CRADD: variants seen among roughly 807,000 people sequenced by gnomAD.
The protein encoded by CRADD is death domain-containing protein CRADD.
A neutral mutation model predicts 15.5 loss-of-function variants in CRADD; 9 were observed. That is an observed-to-expected ratio of 0.58 (90% CI 0.35 to 1.01). The LOEUF (loss-of-function observed/expected upper bound fraction) is 1.01. Ranked by LOEUF, CRADD falls within the 50% of genes least tolerant of loss-of-function variation. The probability of loss-of-function intolerance (pLI) is 0.02; values close to 1 mark genes in which losing one functional copy is unlikely to be tolerated. For missense variants in CRADD, 227 were observed against 250.3 expected (o/e 0.91, Z 0.63); for synonymous variants, 118 against 107.6 (o/e 1.10, Z -0.60).
At chr12:93,806,563 T>G (rs182337282) in intron 2 of CRADD, among the ~76,000 whole-genome samples, 3 of 152,164 alleles carry the variant, frequency 2.0e-5, no homozygotes, top group Middle Eastern at 3.4e-3. Context: ...CCTACCCACT[T>G]AAGCTTCTCA....
chr12:93,746,607 C>G (rs1457425298), intron 2 of CRADD, among the ~76,000 whole-genome samples: 1 of 152,154 alleles, frequency 6.6e-6, no homozygotes, highest in East Asian at 1.9e-4. Context: ...TCCAAAAGTT[C>G]CTTTTTAAGT....
chr12:93,682,298 A>G (rs1955328714), intron 2 of CRADD, among the ~76,000 whole-genome samples: 1 of 152,238 alleles, frequency 6.6e-6, no homozygotes, highest in Non-Finnish European at 1.5e-5. Context: ...GATCTAGACT[A>G]TAGGAGAATG....
chr12:93,775,340 C>T (rs1334315738), intron 2 of CRADD, among the ~76,000 whole-genome samples: 1 of 152,118 alleles, frequency 6.6e-6, no homozygotes, highest in Admixed American at 6.5e-5. Flanking sequence ...TAACAGTAAA[C>T]TAAGTACCAG....
chr12:93,826,684 G>A (rs982433407), intron 2 of CRADD: 30 of 152,148 alleles, frequency 2.0e-4, no homozygotes, highest in African/African-American at 7.0e-4. Context: ...CAGGGCCCAC[G>A]GAGTCTTTTT....
intron 2 of CRADD, among the ~76,000 whole-genome samples, chr12:93,696,623 A>G (rs941557894): frequency 6.6e-6 from 1 of 151,192 alleles, no homozygotes; most frequent in African/African-American, 2.5e-5. Context: ...TGCAAAGGTT[A>G]GTTAGACAGG....
chr12:93,742,746 C>T (rs186908972), intron 2 of CRADD, among the ~76,000 whole-genome samples: 1 of 152,128 alleles, frequency 6.6e-6, no homozygotes, highest in Admixed American at 6.6e-5. Context: ...CTCCCACTGT[C>T]GGTAAAAATG....
At chr12:93,810,551 CAAAAAAAAAAAAAAAAAAAAAAAAAA>C (rs56689824) in intron 2 of CRADD, among the ~76,000 whole-genome samples, 45 of 39,066 alleles carry the variant, frequency 1.2e-3, no homozygotes, top group African/African-American at 4.1e-3. Context: ...AAATCAGTCT[CAAAAAAAAAAAAAAAAAAAAAAAAAA>C]AAAAAAAAAA....
Position 93,824,650 on chromosome 12 carries a change from G to C in CRADD, c.299-25320G>C, listed in dbSNP as rs960265125. Among the ~76,000 whole-genome samples, 2 of 152,160 alleles carry C rather than the reference G, an allele frequency of 1.3e-5. No individual in the cohort carries two copies. Among genetic ancestry groups the C allele is most frequent in the Admixed American group, 6.5e-5 (1 of 15,278 alleles). On this transcript the variant is annotated intron_variant, in intron 2 of 2. Transcript: ENST00000332896. The surrounding 1 kb of genome is among the most constrained non-coding windows in gnomAD (Gnocchi z 4.3). Reference sequence around the variant, plus strand: ...TGCATCATTCTATGATACATTATCCGAGCTGAAGCTGAAACCTAGCCTTCT... The same window carrying C: ...TGCATCATTCTATGATACATTATCCCAGCTGAAGCTGAAACCTAGCCTTCT...
intron 2 of CRADD, among the ~76,000 whole-genome samples, chr12:93,688,113 G>C (rs942895343): frequency 2.6e-5 from 4 of 152,210 alleles, no homozygotes; most frequent in Non-Finnish European, 5.9e-5. Flanking sequence ...GGATGGAAGA[G>C]AGAAGGAGAG....
At chr12:93,739,804 C>CA (rs1177776642) in intron 2 of CRADD, among the ~76,000 whole-genome samples, 7 of 152,106 alleles carry the variant, frequency 4.6e-5, no homozygotes, top group Admixed American at 3.9e-4. Context: ...TTAATGCAAA[C>CA]ATCAATATTT....
At chr12:93,782,695 T>C (rs1366468249) in intron 2 of CRADD, among the ~76,000 whole-genome samples, 1 of 150,846 alleles carries the variant, frequency 6.6e-6, no homozygotes, top group Admixed American at 6.6e-5. Flanking sequence ...AAAAATGCCT[T>C]TTTTTTTAAA....
chr12:93,682,730 A>C (rs1361181925), intron 2 of CRADD, among the ~76,000 whole-genome samples: 1 of 152,250 alleles, frequency 6.6e-6, no homozygotes, highest in East Asian at 1.9e-4. Flanking sequence ...ACCCCCATCA[A>C]ATCTCAAAAC....
intron 2 of CRADD, among the ~76,000 whole-genome samples, chr12:93,725,511 T>TA (rs1174519093): frequency 6.6e-6 from 1 of 151,790 alleles, no homozygotes; most frequent in African/African-American, 2.4e-5. Flanking sequence ...CTACTCCTCT[T>TA]ACCCCAATTC....
At position 93,850,271 on chromosome 12, in the gene CRADD, A is replaced by G. The variant is rs1318796299; in HGVS notation, c.600A>G (p.Ter200TrpextTer17). The G allele has an allele frequency of 6.3e-7, 1 of 1,586,438 alleles. No homozygotes were observed. Among genetic ancestry groups the G allele is most frequent in the Non-Finnish European group, 8.6e-7 (1 of 1,166,128 alleles). The change falls in exon 3 of 3, where the codon TGA becomes TGG. Residue 200 changes from the stop codon to tryptophan, a stop_lost. Transcript: ENST00000332896. This position sits in a 1 kb window ranked among gnomAD's most constrained non-coding sequence, Gnocchi z 4.0. ...DPSLLLHMLE[*>W] ...CGCTGCTCCTGCACATGTTGGAGTG[A>G]TGGTGCCTCCAGCAACCGCTGGGGA... is the stretch of plus-strand genomic sequence containing the variant.
chr12:93,837,560 G>GCC (rs1957988950), intron 2 of CRADD: 2 of 143,900 alleles, frequency 1.4e-5, no homozygotes, highest in African/African-American at 2.6e-5. Context: ...GAGCCACCGG[G>GCC]CGGTTTCCAT....
intron 2 of CRADD, among the ~76,000 whole-genome samples, chr12:93,716,988 C>T (rs1956174131): frequency 1.3e-5 from 2 of 152,148 alleles, no homozygotes; most frequent in African/African-American, 2.4e-5. Context: ...ATTTTGTGTT[C>T]CTACCAGCAA....
At chr12:93,738,505 A>G (rs968367915) in intron 2 of CRADD, 4 of 701,432 alleles carry the variant, frequency 5.7e-6, no homozygotes, top group Non-Finnish European at 1.0e-5. Flanking sequence ...GACTGCAGCA[A>G]CACTGACCAA....
Position 93,681,694 on chromosome 12 carries a change from C to T in CRADD, c.298+2622C>T, listed in dbSNP as rs550737074. Among the ~76,000 whole-genome samples the T allele has an allele frequency of 5.3e-5, 8 of 152,236 alleles. No individual in the cohort carries two copies. In the South Asian group the frequency reaches 6.2e-4, roughly 12 times the overall value. ...ATATTACGATTGCCTTTAAAAACCC[C>T]GGGCACTCCTTCCCAATCTTGTCTC... is the stretch of plus-strand genomic sequence containing the variant. On this transcript the variant is annotated intron_variant, in intron 2 of 2. Coordinates refer to ENST00000332896, the MANE Select transcript of CRADD (RefSeq NM_003805.5).
At chr12:93,738,579 G>A (rs1479866501) in intron 2 of CRADD, 10 of 667,614 alleles carry the variant, frequency 1.5e-5, no homozygotes, top group African/African-American at 7.1e-5. Context: ...CGCTCCCACC[G>A]CCACCCCCTG....
Sources: allele counts gnomAD v4.1 joint callset (sites outside exome capture counted in the v4.1 genomes callset), GRCh38; gene constraint gnomAD v4.1.1; non-coding constraint Gnocchi (gnomAD v3.1); transcripts MANE v1.5; gene names NCBI Gene and HGNC (gene_info 2026-07-23, HGNC 2026-07-21).